The following RSPH14 variants were observed in gnomAD, a reference collection of about 807,000 sequenced individuals.
RSPH14 encodes the protein radial spoke head 14 homolog.
RSPH14 carries 20 observed loss-of-function variants against 26.7 expected under a neutral mutation model. The ratio of observed to expected loss-of-function variants is 0.75; its 90% CI spans 0.53 to 1.09. The LOEUF is 1.09. Ranked by LOEUF, RSPH14 falls within the 50% of genes least tolerant of loss-of-function variation. The pLI is 0.00. For missense variants in RSPH14, 449 were observed against 457.2 expected (o/e 0.98, Z 0.16); for synonymous variants, 177 against 189.3 (o/e 0.93, Z 0.53).
At chr22:23,105,804 C>T (rs1475070438) in intron 4 of RSPH14, among the ~76,000 whole-genome samples, 1 of 152,174 alleles carries the variant, frequency 6.6e-6, no homozygotes, top group Non-Finnish European at 1.5e-5. Context: ...TTAAAAGCAG[C>T]AAGATTTAAC....
chr22:23,123,670 C>G, intron 4 of RSPH14: 1 of 546,854 alleles, frequency 1.8e-6, no homozygotes, highest in Non-Finnish European at 3.3e-6. Flanking sequence ...GCAAAATCCT[C>G]TAAAATGTCG....
intron 4 of RSPH14, among the ~76,000 whole-genome samples, chr22:23,091,642 A>T (rs117706500): frequency 0.011 from 1,637 of 151,596 alleles, 15 homozygotes; most frequent in Non-Finnish European, 0.02. Context: ...CTGCATACAC[A>T]CTGGCACCTA....
intron 4 of RSPH14, among the ~76,000 whole-genome samples, chr22:23,077,169 C>A (rs1477944270): frequency 2.0e-5 from 3 of 152,120 alleles, no homozygotes; most frequent in Admixed American, 6.5e-5. Context: ...CCACTGTACC[C>A]CCTCCTATCT....
At chr22:23,120,512 C>T (rs2146394887) in intron 4 of RSPH14, among the ~76,000 whole-genome samples, 1 of 152,274 alleles carries the variant, frequency 6.6e-6, no homozygotes, top group African/African-American at 2.4e-5. Context: ...TGAGGTGGCC[C>T]TCCTGCTCCT....
upstream of RSPH14, chr22:23,146,648 C>T (rs1287855701): frequency 3.1e-6 from 5 of 1,614,088 alleles, no homozygotes; most frequent in Admixed American, 3.3e-5. Flanking sequence ...TTGGGGCCCC[C>T]TGTGAGCCGC....
chr22:23,061,744 G>C, intron 6 of RSPH14, 65 bp downstream of exon 6: 10 of 1,592,536 alleles, frequency 6.3e-6, no homozygotes, highest in Non-Finnish European at 8.6e-6. Flanking sequence ...CCTGAGTACA[G>C]AAAGCTCATC....
chr22:23,152,467 A>G, the RSPH14 span: 1 of 1,613,996 alleles, frequency 6.2e-7, no homozygotes, highest in Middle Eastern at 1.6e-4. Context: ...ACAGGCTCAA[A>G]CTCTCCAAGG....
intron 4 of RSPH14, among the ~76,000 whole-genome samples, chr22:23,079,210 C>T (rs1177838101): frequency 1.3e-5 from 2 of 152,212 alleles, no homozygotes; most frequent in Non-Finnish European, 2.9e-5. Context: ...ATGCTTGGGG[C>T]AAGGCAGCAC....
intron 4 of RSPH14, among the ~76,000 whole-genome samples, chr22:23,084,197 C>G (rs2068754849): frequency 6.6e-6 from 1 of 152,150 alleles, no homozygotes. Flanking sequence ...CAAGCAGTCC[C>G]CAACTTAGGA....
At chr22:23,070,878 C>G (rs2068349197) in intron 4 of RSPH14, 1 of 152,240 alleles carries the variant, frequency 6.6e-6, no homozygotes, top group African/African-American at 2.4e-5. Context: ...CCGGGGATGC[C>G]GCGCGGGGCC....
chr22:23,158,781 C>T, the RSPH14 span: 2 of 898,894 alleles, frequency 2.2e-6, no homozygotes, highest in Non-Finnish European at 3.6e-6. Flanking sequence ...CCAGGAAGCC[C>T]TCCTTGTCCC....
At chr22:23,130,371 C>G (rs2070322223) in intron 4 of RSPH14, among the ~76,000 whole-genome samples, 1 of 151,126 alleles carries the variant, frequency 6.6e-6, no homozygotes, top group African/African-American at 2.4e-5. Flanking sequence ...AGGAGAATGG[C>G]ATGAACCCGG....
the RSPH14 span, among the ~76,000 whole-genome samples, chr22:23,155,500 C>G: frequency 1.3e-5 from 2 of 152,226 alleles, no homozygotes; most frequent in Non-Finnish European, 2.9e-5. Context: ...TACTTTGGGA[C>G]CTGCAGTGTG....
upstream of RSPH14, chr22:23,146,097 C>T: frequency 1.1e-6 from 1 of 887,310 alleles, no homozygotes; most frequent in Non-Finnish European, 1.4e-6. Context: ...CTTCTGACTC[C>T]CAGGCAGGGT....
intron 4 of RSPH14, chr22:23,124,382 G>T (rs994795528): frequency 7.3e-5 from 34 of 468,188 alleles, no homozygotes; most frequent in Middle Eastern, 3.3e-4. Flanking sequence ...TTATCTGGAC[G>T]ATCTGTCTCT....
the RSPH14 span, among the ~76,000 whole-genome samples, chr22:23,175,834 A>G: frequency 6.6e-6 from 1 of 152,186 alleles, no homozygotes; most frequent in Non-Finnish European, 1.5e-5. Context: ...TGCCAGACTC[A>G]GCTAGCATCC....
Position 23,140,376 on chromosome 22 carries a change from A to C in RSPH14, c.45T>G (p.Asn15Lys), listed in dbSNP as rs1266222013. The C allele has an allele frequency of 6.2e-7, 1 of 1,614,194 alleles. No individual in the cohort carries two copies. The highest frequency in any genetic ancestry group is 2.2e-5 in the East Asian group (1 of 44,890). The change falls in exon 2 of 7, where the codon AAT (asparagine) becomes AAG (lysine). Residue 15 changes from asparagine to lysine, a missense_variant. By Grantham distance (94) the Asn-to-Lys change is moderately conservative. Coordinates refer to ENST00000216036, the MANE Select transcript of RSPH14 (RefSeq NM_014433.3). ...CATAGGCAGTGGTAATCTGGGTGGC[A>C]TTGATGTTAATGGGAAGCTCCAAGG... ...QNSLELPINI[N>K]ATQITTAYGH...
At chr22:23,152,657 G>T in the RSPH14 span, 6 of 873,536 alleles carry the variant, frequency 6.9e-6, no homozygotes, top group Non-Finnish European at 1.1e-5. Context: ...GCCTCAGCCT[G>T]CTGGGAGCCG....
At chr22:23,061,511 C>T (rs571298716) in intron 6 of RSPH14, among the ~76,000 whole-genome samples, 1 of 152,258 alleles carries the variant, frequency 6.6e-6, no homozygotes, top group South Asian at 2.1e-4. Flanking sequence ...TGAGTCACAG[C>T]TCACAAGGGG....
Sources: allele counts gnomAD v4.1 joint callset (sites outside exome capture counted in the v4.1 genomes callset), GRCh38; gene constraint gnomAD v4.1.1; transcripts MANE v1.5; gene names NCBI Gene and HGNC (gene_info 2026-07-23, HGNC 2026-07-21).